The following SPON2 variants were observed in gnomAD, a reference collection of about 807,000 sequenced individuals.
SPON2 encodes spondin 2.
SPON2 carries 32 observed loss-of-function variants against 29.9 expected under a neutral mutation model. The observed-to-expected ratio is 1.07, with a 90% CI of 0.81 to 1.44. The LOEUF is 1.44. Among genes scored for constraint, SPON2 ranks in the 40% most tolerant of loss-of-function variants. The probability of loss-of-function intolerance (pLI) is 0.00; values close to 1 mark genes in which losing one functional copy is unlikely to be tolerated. For missense variants in SPON2, 541 were observed against 455.5 expected (o/e 1.19, Z -1.71); for synonymous variants, 248 against 209.1 (o/e 1.19, Z -1.61).
chr4:1,167,773 G>A (rs1282813286), intron 5 of SPON2, 117 bp from the exon 6 acceptor site: 4 of 1,147,990 alleles, frequency 3.5e-6, no homozygotes, highest in Non-Finnish European at 4.8e-6. Context: ...CACCCTTCGG[G>A]GGCACTTGCG....
chr4:1,172,100 C>T (rs375492854), intron 1 of SPON2, 26 bp from the exon 2 acceptor site: 44 of 1,595,510 alleles, frequency 2.8e-5, no homozygotes, highest in Middle Eastern at 2.2e-4. Flanking sequence ...GGAGCAGCCG[C>T]GCGCTGGCAC....
intron 1 of SPON2, among the ~76,000 whole-genome samples, chr4:1,189,630 C>CT: frequency 8.5e-6 from 1 of 118,192 alleles, no homozygotes; most frequent in East Asian, 2.7e-4. Context: ...CAGAGTGAGA[C>CT]CCTGTCTCAA....
chr4:1,188,616 A>C (rs986397551), intron 1 of SPON2, among the ~76,000 whole-genome samples: 1 of 152,232 alleles, frequency 6.6e-6, no homozygotes, highest in Non-Finnish European at 1.5e-5. Flanking sequence ...TACATCCATC[A>C]AGAAAATATC....
rs1371140313 is a variant in SPON2, at chr4:1,202,735, C to T, written c.-234+5145G>A. On this transcript the variant is annotated intron_variant, in intron 1 of 3. Coordinates refer to the SPON2 transcript ENST00000509233. The surrounding 1 kb of genome is among the most constrained non-coding windows in gnomAD (Gnocchi z 5.4). ...GGGGACTCCGAGGCAGCTCCAACCCCACGATGAGCCTCTGCCTGGGCCCCA... is the reference window on the plus strand; with the variant it reads ...GGGGACTCCGAGGCAGCTCCAACCCTACGATGAGCCTCTGCCTGGGCCCCA... 6.6e-6 allele frequency among the ~76,000 whole-genome samples: 1 copy of T among 152,216 alleles called. No homozygotes were observed. The highest frequency in any genetic ancestry group is 1.5e-5 in the Non-Finnish European group (1 of 68,036).
intron 1 of SPON2, among the ~76,000 whole-genome samples, chr4:1,206,085 T>C (rs941704994): frequency 2.8e-4 from 43 of 152,176 alleles, no homozygotes; most frequent in African/African-American, 9.7e-4. Flanking sequence ...GGGCTTCTCC[T>C]GCCTGGTCTC....
intron 1 of SPON2, among the ~76,000 whole-genome samples, chr4:1,193,908 G>A (rs1287356195): frequency 4.8e-5 from 7 of 146,994 alleles, no homozygotes; most frequent in Middle Eastern, 3.6e-3. Flanking sequence ...AAGGACGTGC[G>A]GGTGGCGTGG....
rs748094306 is a variant in SPON2, at chr4:1,167,543, G to A, written c.925C>T (p.Pro309Ser). 6.2e-7 allele frequency: 1 copy of A among 1,613,652 alleles called. No individual in the cohort carries two copies. Among genetic ancestry groups the A allele is most frequent in the Admixed American group, 1.7e-5 (1 of 60,024 alleles). The change falls in exon 6 of 6, where the codon CCC becomes TCC. Residue 309 changes from proline (P) to serine (S), a missense_variant. Coordinates refer to ENST00000290902, the MANE Select transcript of SPON2 (RefSeq NM_012445.4). ...GGGCAGGGGCTCCCGTTGTTGGCGG[G>A]CTGGACCCGGACGTAGCGAGTCCTG... ...KSRTRYVRVQ[P>S]ANNGSPCPEL...
At chr4:1,182,518 A>G (rs1360876473) in intron 1 of SPON2, among the ~76,000 whole-genome samples, 2 of 152,236 alleles carry the variant, frequency 1.3e-5, no homozygotes. Context: ...GAACTTGAAG[A>G]CAGGACAATG....
At chr4:1,194,351 C>T (rs1242276408) in intron 1 of SPON2, among the ~76,000 whole-genome samples, 1 of 152,178 alleles carries the variant, frequency 6.6e-6, no homozygotes, top group Non-Finnish European at 1.5e-5. Flanking sequence ...ACTTCAGAGG[C>T]GGTTCAAGGA....
At chr4:1,176,877 A>ATTCATTCATTCACACAC (rs1392373076), upstream of SPON2, among the ~76,000 whole-genome samples, 1 of 152,020 alleles carries the variant, frequency 6.6e-6, no homozygotes, top group African/African-American at 2.4e-5. Flanking sequence ...CACACACTTC[A>ATTCATTCATTCACACAC]TTCATTCATT....
At chr4:1,172,798 C>G (rs1236503577), upstream of SPON2, 2 of 152,378 alleles carry the variant, frequency 1.3e-5, no homozygotes, top group Non-Finnish European at 2.9e-5. Flanking sequence ...CGGGTCGGAT[C>G]ACCCTCTTCC....
intron 5 of SPON2, 100 bp from the exon 6 acceptor site, chr4:1,167,756 C>T (rs1007127886): frequency 3.8e-6 from 5 of 1,310,510 alleles, no homozygotes; most frequent in Admixed American, 2.4e-5. Context: ...TCATCAGAGG[C>T]CACGCCCACC....
upstream of SPON2, among the ~76,000 whole-genome samples, chr4:1,176,729 T>G (rs1441469307): frequency 2.6e-5 from 4 of 152,054 alleles, no homozygotes; most frequent in South Asian, 2.1e-4. Flanking sequence ...AGTACATTGA[T>G]TCACACAGTA....
intron 1 of SPON2, chr4:1,201,193 C>G (rs959109275): frequency 4.0e-5 from 18 of 447,494 alleles, no homozygotes; most frequent in Admixed American, 4.0e-4. Context: ...AGCCCCTCCC[C>G]CCGCAGTATG....
chr4:1,203,162 T>A (rs1728254875), intron 1 of SPON2, among the ~76,000 whole-genome samples: 1 of 152,214 alleles, frequency 6.6e-6, no homozygotes, highest in Non-Finnish European at 1.5e-5. Context: ...GCTTGAGAAC[T>A]ACAGGAAATA....
chr4:1,176,983 G>A (rs1341029393), upstream of SPON2, among the ~76,000 whole-genome samples: 1 of 152,260 alleles, frequency 6.6e-6, no homozygotes, highest in Non-Finnish European at 1.5e-5. Context: ...AAGGTTGCAG[G>A]GGGCTGGGGT....
rs544287305 is a variant in SPON2, at chr4:1,202,077, C to T, written c.-234+5803G>A. ...GAACACGTTCATCATCCGCAGAAGA[C>T]GTCCTGTGCCTGTTAGCAACCGCTC... On this transcript the variant is annotated intron_variant, in intron 1 of 3. Transcript: ENST00000509233. The surrounding 1 kb of genome is among the most constrained non-coding windows in gnomAD (Gnocchi z 5.4). Among the ~76,000 whole-genome samples the T allele has an allele frequency of 3.3e-5, 5 of 152,358 alleles. No individual in the cohort carries two copies. The South Asian group carries it at 8.3e-4, about 25-fold the overall frequency.
intron 5 of SPON2, among the ~76,000 whole-genome samples, chr4:1,168,680 C>T (rs558178424): frequency 1.3e-5 from 2 of 152,220 alleles, no homozygotes; most frequent in Non-Finnish European, 2.9e-5. Flanking sequence ...TGACTGAAAC[C>T]GAGGTGGTGG....
chr4:1,201,585 C>CT (rs762283392), intron 1 of SPON2: 2,021 of 146,640 alleles, frequency 0.014, 23 homozygotes, highest in African/African-American at 0.035. Flanking sequence ...CTGATGCTGA[C>CT]TTTTTTTTTT....
Sources: allele counts gnomAD v4.1 joint callset (sites outside exome capture counted in the v4.1 genomes callset), GRCh38; gene constraint gnomAD v4.1.1; non-coding constraint Gnocchi (gnomAD v3.1); transcripts MANE v1.5; gene names NCBI Gene and HGNC (gene_info 2026-07-23, HGNC 2026-07-21).